Variants in ELAVL2 observed in about 807,000 individuals in gnomAD.
The protein encoded by ELAVL2 is ELAV like RNA binding protein 2.
ELAVL2 carries 4 observed loss-of-function variants against 34.6 expected under a neutral mutation model. That is an observed-to-expected ratio of 0.12 (90% confidence interval 0.06 to 0.26). The LOEUF (loss-of-function observed/expected upper bound fraction) is 0.26. Among genes scored for constraint, ELAVL2 ranks in the 10% least tolerant of loss-of-function variants. The probability of loss-of-function intolerance (pLI) is 1.00; values close to 1 mark genes in which losing one functional copy is unlikely to be tolerated. For missense variants in ELAVL2, 432 were observed against 442.8 expected (o/e 0.98, Z 0.22); for synonymous variants, 193 against 154.8 (o/e 1.25, Z -1.83).
At chr9:23,706,488 T>C (rs532894140) in intron 3 of ELAVL2, among the ~76,000 whole-genome samples, 73 of 152,350 alleles carry the variant, frequency 4.8e-4, no homozygotes, top group Middle Eastern at 3.4e-3. Flanking sequence ...CCAATTGTAA[T>C]TGATGACTCT....
intron 2 of ELAVL2, among the ~76,000 whole-genome samples, chr9:23,748,995 G>A (rs1196161811): frequency 6.6e-6 from 1 of 152,076 alleles, no homozygotes. Flanking sequence ...TGGGTGAGGA[G>A]TTACTGTTTG....
At chr9:23,803,703 G>C (rs1324945772) in intron 1 of ELAVL2, among the ~76,000 whole-genome samples, 1 of 151,234 alleles carries the variant, frequency 6.6e-6, no homozygotes, top group Admixed American at 6.6e-5. Flanking sequence ...TACATGCTAG[G>C]AGTACACCAC....
chr9:23,846,135 A>G, the ELAVL2 span, among the ~76,000 whole-genome samples: 2 of 151,908 alleles, frequency 1.3e-5, no homozygotes, highest in Non-Finnish European at 2.9e-5. Flanking sequence ...TTGATGGGAA[A>G]GGATGTTTTC....
intron 2 of ELAVL2, among the ~76,000 whole-genome samples, chr9:23,743,117 G>A (rs959498730): frequency 3.3e-5 from 5 of 152,168 alleles, no homozygotes; most frequent in Admixed American, 1.3e-4. Context: ...AAGGCTATGG[G>A]TCAGATGGGA....
chr9:23,775,196 G>A (rs1267237118), intron 1 of ELAVL2, among the ~76,000 whole-genome samples: 3 of 152,142 alleles, frequency 2.0e-5, no homozygotes, highest in African/African-American at 7.2e-5. Flanking sequence ...AAAGAAACTA[G>A]CAATTATTGA....
At chr9:23,792,519 G>C (rs890877786) in intron 1 of ELAVL2, among the ~76,000 whole-genome samples, 1 of 152,062 alleles carries the variant, frequency 6.6e-6, no homozygotes, top group Non-Finnish European at 1.5e-5. Context: ...CTTCAAATCT[G>C]TCTCCTCCTC....
At chr9:23,767,414 A>T (rs1300877821) in intron 1 of ELAVL2, among the ~76,000 whole-genome samples, 1 of 152,200 alleles carries the variant, frequency 6.6e-6, no homozygotes, top group African/African-American at 2.4e-5. Flanking sequence ...AATTCTGCAA[A>T]CTAAGGTAAT....
At chr9:23,807,550 T>C (rs1246097079) in intron 1 of ELAVL2, among the ~76,000 whole-genome samples, 1 of 152,164 alleles carries the variant, frequency 6.6e-6, no homozygotes, top group Non-Finnish European at 1.5e-5. Context: ...CAACAAATAT[T>C]TTAAAAACAA....
At chr9:23,701,042 G>A (rs117213313) in intron 5 of ELAVL2, among the ~76,000 whole-genome samples, 2 of 152,064 alleles carry the variant, frequency 1.3e-5, no homozygotes, top group Non-Finnish European at 2.9e-5. Context: ...CAGCATCCCC[G>A]ACCTCTAGCA....
intron 2 of ELAVL2, among the ~76,000 whole-genome samples, chr9:23,753,746 A>T (rs897307352): frequency 6.6e-6 from 1 of 152,132 alleles, no homozygotes; most frequent in Admixed American, 6.5e-5. Context: ...TATACCACCA[A>T]TCTCCTGATG....
intron 1 of ELAVL2, among the ~76,000 whole-genome samples, chr9:23,799,609 G>A (rs1371587624): frequency 6.6e-6 from 1 of 152,116 alleles, no homozygotes; most frequent in East Asian, 1.9e-4. Context: ...TGTCACTGAT[G>A]CTCAATAGTA....
chr9:23,735,297 C>A (rs902525739), intron 2 of ELAVL2: 1 of 151,986 alleles, frequency 6.6e-6, no homozygotes, highest in Non-Finnish European at 1.5e-5. Flanking sequence ...TCTTTTGAGG[C>A]AAGGTCTCTC....
chr9:23,749,059 G>T (rs1233730556), intron 2 of ELAVL2, among the ~76,000 whole-genome samples: 2 of 151,984 alleles, frequency 1.3e-5, no homozygotes, highest in African/African-American at 2.4e-5. Context: ...AATGGATAAG[G>T]GTGACGGCTG....
rs774198506 is a variant in ELAVL2, at chr9:23,701,381, A to G, written c.711T>C (p.Phe237=). 19 of 1,613,996 alleles carry G rather than the reference A, an allele frequency of 1.2e-5. No individual in the cohort carries two copies. Among genetic ancestry groups the G allele is most frequent in the Non-Finnish European group, 1.6e-5 (19 of 1,179,882 alleles). Residue 237 remains phenylalanine, a splice_region_variant and synonymous_variant, in exon 5 of 7, where the codon TTT becomes TTC. Transcript: ENST00000397312. ...CACAAGAACCAAACCAGACTTACCT[A>G]AAACGCTGTGCCTGCTGAGCTAGCG... ...PGPLAQQAQR[F]RLDNLLNMAY...
At chr9:23,737,137 G>T (rs1406645321) in intron 2 of ELAVL2, among the ~76,000 whole-genome samples, 2 of 152,168 alleles carry the variant, frequency 1.3e-5, no homozygotes, top group East Asian at 3.9e-4. Context: ...AGACTGCTGA[G>T]CAAGGGCAAG....
intron 1 of ELAVL2, among the ~76,000 whole-genome samples, chr9:23,812,797 A>G (rs576792092): frequency 1.3e-5 from 2 of 151,390 alleles, no homozygotes; most frequent in Non-Finnish European, 2.9e-5. Context: ...GCCAATGCTT[A>G]AAACTGCCAA....
intron 3 of ELAVL2, among the ~76,000 whole-genome samples, chr9:23,718,225 T>G (rs1193072883): frequency 6.6e-6 from 1 of 152,154 alleles, no homozygotes; most frequent in Non-Finnish European, 1.5e-5. Context: ...ATCTTCCTCT[T>G]AAAGGATGTT....
At chr9:23,788,197 A>G (rs1346596336) in intron 1 of ELAVL2, among the ~76,000 whole-genome samples, 1 of 152,230 alleles carries the variant, frequency 6.6e-6, no homozygotes, top group African/African-American at 2.4e-5. Flanking sequence ...GGACCAGGAT[A>G]TAAAATATAA....
chr9:23,758,349 A>T (rs1209345867), intron 2 of ELAVL2, among the ~76,000 whole-genome samples: 1 of 152,116 alleles, frequency 6.6e-6, no homozygotes, highest in Non-Finnish European at 1.5e-5. Context: ...ACCATTTTCT[A>T]GACTATTTTA....
Sources: allele counts gnomAD v4.1 joint callset (sites outside exome capture counted in the v4.1 genomes callset), GRCh38; gene constraint gnomAD v4.1.1; transcripts MANE v1.5; gene names NCBI Gene and HGNC (gene_info 2026-07-23, HGNC 2026-07-21).